The following ARHGEF26 variants were observed in gnomAD, a reference collection of about 807,000 sequenced individuals.
ARHGEF26 encodes Rho guanine nucleotide exchange factor (GEF) 26.
Under a neutral mutation model 89.4 loss-of-function variants are expected in ARHGEF26, and 59 were observed. That is an observed-to-expected ratio of 0.66 (90% CI 0.54 to 0.82). The LOEUF (loss-of-function observed/expected upper bound fraction) is 0.82, where lower values mean the gene tolerates loss of function less well. Among genes scored for constraint, ARHGEF26 ranks in the 40% least tolerant of loss-of-function variants. The pLI is 0.00. For missense variants in ARHGEF26, 1,234 were observed against 1,085.6 expected (o/e 1.14, Z -1.92); for synonymous variants, 500 against 428.4 (o/e 1.17, Z -2.06).
chr3:154,231,796 C>T (rs1716839651), intron 11 of ARHGEF26, among the ~76,000 whole-genome samples: 1 of 152,112 alleles, frequency 6.6e-6, no homozygotes, highest in Non-Finnish European at 1.5e-5. Context: ...CCTTTCCCTC[C>T]TCATGAAACC....
rs538419465 is a variant in ARHGEF26 at position 154,154,258 on chromosome 3, C to T, written c.1487+1326C>T. On this transcript the variant is annotated intron_variant, in intron 6 of 14. Transcript: ENST00000465093. ...AGGATCATGTTTTACAATTCCTGCT[C>T]CAGGCCTGGAATCAACCATTTCCCC... 2.4e-4 allele frequency among the ~76,000 whole-genome samples: 36 copies of T among 152,056 alleles called. No individual in the cohort carries two copies. In the South Asian group the frequency reaches 6.9e-3, roughly 29 times the overall value.
chr3:154,122,564 C>A lies in ARHGEF26; in HGVS notation c.572C>A (p.Ser191Tyr). 6.2e-7 allele frequency: 1 copy of A among 1,613,572 alleles called. No individual in the cohort carries two copies. Among genetic ancestry groups the A allele is most frequent in the Non-Finnish European group, 8.5e-7 (1 of 1,179,870 alleles). The change falls in exon 2 of 15, where the codon TCC becomes TAC. Residue 191 changes from serine (S) to tyrosine (Y), a missense_variant. Ser to Tyr is a moderately radical substitution (Grantham distance 144). Transcript: ENST00000465093. ...GACTCTCCTGGGTCAGGTTCGCAGT[C>A]CGGCCGGAAGGCAAAGGACCCCGAA... ...NNDSPGSGSQSGRKAKDPERG... is the reference protein window; with the variant it reads ...NNDSPGSGSQYGRKAKDPERG...
chr3:154,129,753 G>GA, intron 4 of ARHGEF26, 34 bp downstream of exon 4: 1 of 1,572,136 alleles, frequency 6.4e-7, no homozygotes, highest in Non-Finnish European at 8.6e-7. Flanking sequence ...TCTGTGGTAG[G>GA]AAAAAAACAA....
chr3:154,121,343 G>T (rs1268190389), upstream of ARHGEF26: 1 of 150,556 alleles, frequency 6.6e-6, no homozygotes, highest in African/African-American at 2.4e-5. Flanking sequence ...GGGCGGGGCC[G>T]AAACGGGGGC....
chr3:154,134,177 AC>A (rs1009175363), intron 4 of ARHGEF26, among the ~76,000 whole-genome samples: 3 of 152,016 alleles, frequency 2.0e-5, no homozygotes, highest in South Asian at 4.2e-4. Context: ...CTATTTGAAT[AC>A]CCTTTCTTTC....
At chr3:154,159,541 T>A (rs1412731588) in intron 6 of ARHGEF26, among the ~76,000 whole-genome samples, 1 of 152,096 alleles carries the variant, frequency 6.6e-6, no homozygotes, top group African/African-American at 2.4e-5. Context: ...CACTTGCTTC[T>A]CCAGAAGTTT....
intron 11 of ARHGEF26, among the ~76,000 whole-genome samples, chr3:154,234,290 C>T (rs1716980264): frequency 1.3e-5 from 2 of 152,116 alleles, no homozygotes; most frequent in Non-Finnish European, 1.5e-5. Context: ...GTAAGCTAGC[C>T]TATTTTCCAT....
chr3:154,190,931 C>T lies in ARHGEF26; in HGVS notation c.1641-358C>T, dbSNP rs193197025. 4.9e-3 allele frequency among the ~76,000 whole-genome samples: 752 copies of T among 152,156 alleles called. 3 individuals carry two copies. The highest frequency in any genetic ancestry group is 6.8e-3 in the Middle Eastern group (2 of 294). ...TTAATGATATATGTTTATAGATGAT[C>T]GGATATAAAAGACCTAGTCTGTATA... On this transcript the variant is annotated intron_variant, in intron 7 of 14. Coordinates refer to ENST00000465093, the MANE Select transcript of ARHGEF26 (RefSeq NM_015595.4).
At chr3:154,246,094 T>G (rs1257349291) in intron 12 of ARHGEF26, among the ~76,000 whole-genome samples, 1 of 152,168 alleles carries the variant, frequency 6.6e-6, no homozygotes, top group Non-Finnish European at 1.5e-5. Context: ...AAGCTGGTGA[T>G]GTGATCCGGA....
intron 6 of ARHGEF26, among the ~76,000 whole-genome samples, chr3:154,170,898 C>T (rs1202966990): frequency 4.6e-5 from 7 of 152,168 alleles, no homozygotes; most frequent in Non-Finnish European, 1.0e-4. Flanking sequence ...TAATTATCAG[C>T]TAATACTGAA....
In ARHGEF26 at chr3:154,121,990, G is replaced by C. The variant is rs1381767581; in HGVS notation, c.-3G>C. ...CTCCCGGCGCTGACTTCGAGGCCCG[G>C]CTATGGACGGCGAGAGCGAGGTGGA... On this transcript the variant is annotated 5_prime_UTR_variant, in exon 2 of 15. Coordinates refer to ENST00000465093, the MANE Select transcript of ARHGEF26 (RefSeq NM_015595.4). 1 of 1,587,404 alleles carries C rather than the reference G, an allele frequency of 6.3e-7. No individual in the cohort carries two copies. Among genetic ancestry groups the C allele is most frequent in the Non-Finnish European group, 8.6e-7 (1 of 1,160,688 alleles).
chr3:154,149,240 A>T, intron 4 of ARHGEF26, 149 bp from the exon 5 acceptor site: 1 of 404,018 alleles, frequency 2.5e-6, no homozygotes, highest in Non-Finnish European at 4.1e-6. Context: ...ACTGTTGATT[A>T]ATTAATAAAT....
chr3:154,125,807 A>C (rs1187688854), intron 3 of ARHGEF26, among the ~76,000 whole-genome samples: 1 of 152,098 alleles, frequency 6.6e-6, no homozygotes, highest in Non-Finnish European at 1.5e-5. Context: ...ACATATGTAC[A>C]TGAGGAATGC....
intron 6 of ARHGEF26, among the ~76,000 whole-genome samples, chr3:154,181,907 A>T (rs1031489568): frequency 6.6e-6 from 1 of 152,158 alleles, no homozygotes; most frequent in Admixed American, 6.5e-5. Context: ...AAATTCTTTT[A>T]CATGTTTCAC....
chr3:154,137,422 G>A (rs1188139773), intron 4 of ARHGEF26, among the ~76,000 whole-genome samples: 1 of 152,076 alleles, frequency 6.6e-6, no homozygotes, highest in Non-Finnish European at 1.5e-5. Flanking sequence ...TATAACTGTA[G>A]GAGATAAATT....
At chr3:154,135,015 T>G (rs1478559336) in intron 4 of ARHGEF26, among the ~76,000 whole-genome samples, 1 of 152,210 alleles carries the variant, frequency 6.6e-6, no homozygotes, top group Non-Finnish European at 1.5e-5. Flanking sequence ...TGGATGTTCA[T>G]TAAGGATATT....
Position 154,234,409 on chromosome 3 carries a change from G to T in ARHGEF26, c.2091-5961G>T, listed in dbSNP as rs1716987341. 2.0e-5 allele frequency among the ~76,000 whole-genome samples: 3 copies of T among 152,256 alleles called. No individual in the cohort carries two copies. The South Asian group carries it at 6.2e-4, about 32-fold the overall frequency. ...ACAGCACCTCTCTGACCACAAGGCA[G>T]GCCGTTAAAGGTCTGTATCCAGCAG... On this transcript the variant is annotated intron_variant, in intron 11 of 14. Transcript: ENST00000465093.
At chr3:154,218,030 A>T in intron 10 of ARHGEF26, 72 bp downstream of exon 10, 1 of 1,309,644 alleles carries the variant, frequency 7.6e-7, no homozygotes. Flanking sequence ...AGTTGAGGGC[A>T]ACAAAGTAGA....
intron 6 of ARHGEF26, among the ~76,000 whole-genome samples, chr3:154,166,172 A>C (rs550636253): frequency 1.1e-4 from 17 of 152,096 alleles, no homozygotes; most frequent in Non-Finnish European, 2.5e-4. Context: ...AGGAGAATCT[A>C]CTACTCCTAC....
Sources: allele counts gnomAD v4.1 joint callset (sites outside exome capture counted in the v4.1 genomes callset), GRCh38; gene constraint gnomAD v4.1.1; transcripts MANE v1.5; gene names NCBI Gene and HGNC (gene_info 2026-07-23, HGNC 2026-07-21).